Variants in FSD1L observed in about 807,000 individuals in gnomAD.
FSD1L encodes the protein FSD1-like protein.
A neutral mutation model predicts 71.6 loss-of-function variants in FSD1L; 45 were observed. The ratio of observed to expected loss-of-function variants is 0.63; its 90% confidence interval spans 0.49 to 0.81. The LOEUF (loss-of-function observed/expected upper bound fraction) is 0.81. FSD1L is among the 30% of genes least tolerant of loss of function. The pLI is 0.00. For synonymous variants in FSD1L, 197 were observed against 207.2 expected, an observed-to-expected ratio of 0.95 and a Z score of 0.42; for missense variants, 561 against 618.1, an observed-to-expected ratio of 0.91 and a Z score of 0.98.
chr9:105,468,760 G>C (rs756216446), intron 4 of FSD1L, among the ~76,000 whole-genome samples: 12 of 152,104 alleles, frequency 7.9e-5, no homozygotes, highest in Non-Finnish European at 1.5e-4. Flanking sequence ...CTCCCAAAGT[G>C]CTGGGATTAC....
intron 10 of FSD1L, among the ~76,000 whole-genome samples, chr9:105,529,637 G>A (rs1835765544): frequency 6.6e-6 from 1 of 152,096 alleles, no homozygotes; most frequent in Non-Finnish European, 1.5e-5. Flanking sequence ...GGGTCTAGAG[G>A]TGGAATAGCA....
chr9:105,537,754 C>T (rs1464577086), intron 12 of FSD1L, among the ~76,000 whole-genome samples: 1 of 152,016 alleles, frequency 6.6e-6, no homozygotes, highest in East Asian at 1.9e-4. Flanking sequence ...TAAGACTTTT[C>T]GGGAAGCAGT....
intron 7 of FSD1L, among the ~76,000 whole-genome samples, chr9:105,500,265 G>A (rs988465599): frequency 6.6e-6 from 1 of 152,204 alleles, no homozygotes; most frequent in African/African-American, 2.4e-5. Context: ...TATTAATGTG[G>A]TAGTAAGGTG....
At chr9:105,520,153 A>G (rs947068810) in intron 10 of FSD1L, 1 of 1,609,334 alleles carries the variant, frequency 6.2e-7, no homozygotes, top group South Asian at 1.1e-5. Flanking sequence ...CCGCACGGGG[A>G]CGTGAAGAAG....
intron 6 of FSD1L, among the ~76,000 whole-genome samples, chr9:105,480,398 T>C (rs896759774): frequency 6.6e-6 from 1 of 151,742 alleles, no homozygotes; most frequent in Non-Finnish European, 1.5e-5. Context: ...GCTCAAGTGA[T>C]CCTCCACCTC....
intron 7 of FSD1L, among the ~76,000 whole-genome samples, chr9:105,495,444 T>C (rs1054257407): frequency 1.3e-5 from 2 of 152,210 alleles, no homozygotes; most frequent in African/African-American, 4.8e-5. Flanking sequence ...CCTGACCCCT[T>C]GCTCTTCCCG....
At chr9:105,519,642 A>C (rs866811734) in intron 10 of FSD1L, among the ~76,000 whole-genome samples, 2 of 152,354 alleles carry the variant, frequency 1.3e-5, no homozygotes, top group South Asian at 4.1e-4. Flanking sequence ...GTATCGATGG[A>C]ATGTATCTCA....
At chr9:105,479,425 A>C (rs1402125624) in intron 6 of FSD1L, 49 bp downstream of exon 6, 9 of 1,423,570 alleles carry the variant, frequency 6.3e-6, no homozygotes, top group Non-Finnish European at 8.6e-6. Context: ...TGAAGTCAGA[A>C]ATGAAATTCA....
intron 10 of FSD1L, among the ~76,000 whole-genome samples, chr9:105,527,474 T>C (rs1235594627): frequency 6.6e-6 from 1 of 152,146 alleles, no homozygotes; most frequent in Non-Finnish European, 1.5e-5. Context: ...TGGTATACAT[T>C]CCACCCTCTA....
At chr9:105,444,352 GTA>G (rs1829597314), upstream of FSD1L, among the ~76,000 whole-genome samples, 1 of 152,156 alleles carries the variant, frequency 6.6e-6, no homozygotes, top group Admixed American at 6.5e-5. Flanking sequence ...GTTTAGCAAG[GTA>G]AGTGACTCAC....
At position 105,468,274 on chromosome 9, in the gene FSD1L, A is replaced by T. The variant is rs1378295029; in HGVS notation, c.289A>T (p.Met97Leu). The T allele has an allele frequency of 6.7e-7, 1 of 1,491,330 alleles. No homozygotes were observed. Among genetic ancestry groups the T allele is most frequent in the East Asian group, 2.7e-5 (1 of 36,636 alleles). 92.4% of individuals were successfully genotyped at this position (1,491,330 alleles called of 1,614,324 possible). The change falls in exon 4 of 14, where the codon ATG becomes TTG. Residue 97 changes from methionine to leucine, a missense_variant. Transcript: ENST00000481272. ...YSILDEVKESMINCIKQEQAR... is the reference protein window; with the variant it reads ...YSILDEVKESLINCIKQEQAR... Reference sequence around the variant, plus strand: ...TATACTGGATGAAGTAAAAGAAAGTATGATTAACTGTATCAAGCAGGAACA... The same window carrying T: ...TATACTGGATGAAGTAAAAGAAAGTTTGATTAACTGTATCAAGCAGGAACA...
Position 105,548,684 on chromosome 9 carries a change from C to A in FSD1L, c.*2201C>A, listed in dbSNP as rs1337719281. 6 of 151,906 alleles carry A rather than the reference C, an allele frequency of 3.9e-5. No individual in the cohort carries two copies. Among genetic ancestry groups the A allele is most frequent in the Non-Finnish European group, 8.8e-5 (6 of 67,938 alleles). The allele number at this position is 151,906 out of a possible 1,614,324, so 9.4% of individuals were successfully genotyped here. On this transcript the variant is annotated 3_prime_UTR_variant, in exon 14 of 14. Transcript: ENST00000481272. ...CTAATATTCATTTGGAAAACCTCTC[C>A]ACTGGAGAGGTTTCATCTCTGAGAG... is the stretch of plus-strand genomic sequence containing the variant.
intron 7 of FSD1L, among the ~76,000 whole-genome samples, chr9:105,488,233 A>C (rs890228090): frequency 1.3e-5 from 2 of 152,126 alleles, no homozygotes; most frequent in African/African-American, 4.8e-5. Flanking sequence ...TACTCTCTCC[A>C]TAGTTTTGCC....
intron 1 of FSD1L, among the ~76,000 whole-genome samples, chr9:105,448,601 G>C (rs1209401965): frequency 7.6e-6 from 1 of 132,130 alleles, no homozygotes; most frequent in Non-Finnish European, 1.6e-5. Flanking sequence ...TCCTCAGCAG[G>C]TGAGGAAACC....
chr9:105,478,106 G>A (rs569862912), intron 5 of FSD1L, among the ~76,000 whole-genome samples: 4 of 152,246 alleles, frequency 2.6e-5, no homozygotes, highest in South Asian at 4.2e-4. Context: ...TTTGCCGGGC[G>A]TGGTGGCGGG....
In FSD1L at chr9:105,539,281, A is replaced by G; in HGVS notation, c.1397A>G (p.Asp466Gly). ...TTTTTAGGTCAACTTTCATTCTATGATGCAAATTCTAAACAGTTGCTATAT... is the reference window on the plus strand; with the variant it reads ...TTTTTAGGTCAACTTTCATTCTATGGTGCAAATTCTAAACAGTTGCTATAT... ...DFDGGQLSFY[D>G]ANSKQLLYSF... The change falls in exon 13 of 14, where the codon GAT becomes GGT. Residue 466 changes from aspartate (D) to glycine (G), a missense_variant. Asp to Gly is a moderately conservative substitution (Grantham distance 94). This residue lies in a region of FSD1L where 98 missense variants were observed against 102.3 expected (regional missense o/e 0.96). Transcript: ENST00000481272. 6.7e-7 allele frequency: 1 copy of G among 1,483,002 alleles called. No homozygotes were observed. Among genetic ancestry groups the G allele is most frequent in the African/African-American group, 1.4e-5 (1 of 70,480 alleles). The allele number at this position is 1,483,002 out of a possible 1,614,324, so 91.9% of individuals were successfully genotyped here.
intron 10 of FSD1L, among the ~76,000 whole-genome samples, chr9:105,519,008 C>T (rs917029308): frequency 1.3e-5 from 2 of 152,072 alleles, no homozygotes; most frequent in Admixed American, 6.6e-5. Flanking sequence ...TACAAACTAC[C>T]ATCAGAGAAT....
At chr9:105,514,080 TAAAA>T (rs1335569256) in intron 10 of FSD1L, among the ~76,000 whole-genome samples, 1 of 152,230 alleles carries the variant, frequency 6.6e-6, no homozygotes, top group African/African-American at 2.4e-5. Flanking sequence ...AGGCCATTGC[TAAAA>T]TTATCAAGAC....
intron 7 of FSD1L, among the ~76,000 whole-genome samples, chr9:105,487,861 A>T (rs1199145244): frequency 1.3e-5 from 2 of 152,200 alleles, no homozygotes; most frequent in Non-Finnish European, 2.9e-5. Context: ...GTAGCTTTTT[A>T]AAAATAAACT....
Sources: allele counts gnomAD v4.1 joint callset (sites outside exome capture counted in the v4.1 genomes callset), GRCh38; gene constraint gnomAD v4.1.1; regional missense constraint gnomAD v4.1.1; transcripts MANE v1.5; gene names NCBI Gene and HGNC (gene_info 2026-07-23, HGNC 2026-07-21).